AS3MT: variants seen among roughly 807,000 people sequenced by gnomAD.
The protein encoded by AS3MT is S-adenosyl-L-methionine:arsenic(III) methyltransferase.
AS3MT carries 47 observed loss-of-function variants against 45.3 expected under a neutral mutation model. That is an observed-to-expected ratio of 1.04 (90% confidence interval 0.82 to 1.32). The LOEUF (loss-of-function observed/expected upper bound fraction) is 1.32. Ranked by LOEUF, AS3MT falls within the 40% of genes most tolerant of loss-of-function variation. AS3MT has a pLI of 0.00. For synonymous variants in AS3MT, 141 were observed against 152.8 expected (o/e 0.92, Z 0.57); for missense variants, 396 against 451.1 (o/e 0.88, Z 1.11).
intron 3 of AS3MT, among the ~76,000 whole-genome samples, chr10:102,871,713 G>T (rs940171484): frequency 3.4e-5 from 5 of 148,242 alleles, no homozygotes; most frequent in Non-Finnish European, 7.4e-5. Context: ...GGGCGACAGA[G>T]CGAGACTCCG....
intron 9 of AS3MT, among the ~76,000 whole-genome samples, chr10:102,882,522 G>T (rs995993415): frequency 6.6e-6 from 1 of 151,928 alleles, no homozygotes; most frequent in Non-Finnish European, 1.5e-5. Context: ...TGGCCTCAAG[G>T]GATCCTTCCA....
Position 102,878,364 on chromosome 10 carries a change from T to C in AS3MT, c.611-15T>C, listed in dbSNP as rs1162041808. The C allele has an allele frequency of 2.5e-6, 4 of 1,610,742 alleles. No individual in the cohort carries two copies. Among genetic ancestry groups the C allele is most frequent in the Middle Eastern group, 1.7e-4 (1 of 6,016 alleles). On this transcript the variant is annotated splice_polypyrimidine_tract_variant and intron_variant, in intron 7 of 10. Transcript: ENST00000369880. ...TTGGCTGGTCTGTGGTTTTTTGTTG[T>C]TGTTTGTTTTTTAGGTGAGTGTCTG...
chr10:102,878,313 T>C, intron 7 of AS3MT, 66 bp from the exon 8 acceptor site: 1 of 1,565,154 alleles, frequency 6.4e-7, no homozygotes, highest in African/African-American at 1.4e-5. Flanking sequence ...TATAGAAGAA[T>C]AGTTCCCTTA....
chr10:102,877,509 A>T (rs1283308320), intron 7 of AS3MT, among the ~76,000 whole-genome samples: 2 of 149,460 alleles, frequency 1.3e-5, no homozygotes, highest in South Asian at 4.2e-4. Flanking sequence ...TATTAACTTT[A>T]TTCTTACTAT....
intron 9 of AS3MT, 76 bp downstream of exon 9, chr10:102,879,067 T>G (rs1844833783): frequency 6.2e-6 from 9 of 1,460,308 alleles, no homozygotes; most frequent in Non-Finnish European, 7.4e-6. Context: ...TTCTTGACTT[T>G]GCATTGCCTC....
At chr10:102,872,333 AGAAG>A (rs963306724) in intron 3 of AS3MT, 111 bp from the exon 4 acceptor site, 314 of 1,114,216 alleles carry the variant, frequency 2.8e-4, no homozygotes, top group Non-Finnish European at 3.5e-4. Flanking sequence ...GATGCAAGAA[AGAAG>A]GAAGGAAGGA....
intron 10 of AS3MT, among the ~76,000 whole-genome samples, chr10:102,897,247 G>C (rs1337226099): frequency 2.0e-5 from 3 of 151,588 alleles, no homozygotes; most frequent in Admixed American, 6.6e-5. Flanking sequence ...AGCCGGGCGT[G>C]GTGGCGGGTG....
chr10:102,870,869 C>T (rs1467402163), intron 3 of AS3MT, among the ~76,000 whole-genome samples: 1 of 152,238 alleles, frequency 6.6e-6, no homozygotes, highest in East Asian at 1.9e-4. Flanking sequence ...CTTCCCCAAA[C>T]TGCCACAGCA....
At chr10:102,874,881 T>C (rs1844757081) in intron 6 of AS3MT, among the ~76,000 whole-genome samples, 1 of 152,208 alleles carries the variant, frequency 6.6e-6, no homozygotes, top group African/African-American at 2.4e-5. Flanking sequence ...CAGTTGTCAC[T>C]GAATGTGTTA....
At chr10:102,876,469 G>A (rs1221640914) in intron 6 of AS3MT, among the ~76,000 whole-genome samples, 1 of 151,772 alleles carries the variant, frequency 6.6e-6, no homozygotes, top group Non-Finnish European at 1.5e-5. Flanking sequence ...TGGGAGAGAG[G>A]GTCTTGCTGT....
intron 7 of AS3MT, among the ~76,000 whole-genome samples, chr10:102,878,106 C>T (rs1174043971): frequency 2.0e-5 from 3 of 151,982 alleles, no homozygotes; most frequent in South Asian, 2.1e-4. Flanking sequence ...CAGAATGTGG[C>T]GTACTGCATA....
rs1343118174 is a variant in AS3MT at position 102,869,794 on chromosome 10, G to A, written c.2-11G>A. On this transcript the variant is annotated splice_polypyrimidine_tract_variant and intron_variant, in intron 1 of 10. Transcript: ENST00000369880. Reference sequence around the variant, plus strand: ...CCCTCTCCTTTCAACTAACTTTCCCGCTCCCGACAGTGGCTGCACTTCGTG... The same window carrying A: ...CCCTCTCCTTTCAACTAACTTTCCCACTCCCGACAGTGGCTGCACTTCGTG... The A allele has an allele frequency of 1.3e-5, 21 of 1,613,826 alleles. No homozygotes were observed. Among genetic ancestry groups the A allele is most frequent in the African/African-American group, 2.7e-5 (2 of 74,894 alleles).
rs1328370210 is a variant in AS3MT, at chr10:102,888,877, A to ATTTTTTTT, written c.886-1666_886-1665insTTTTTTTT. On this transcript the variant is annotated intron_variant, in intron 9 of 10. Coordinates refer to ENST00000369880, the MANE Select transcript of AS3MT (RefSeq NM_020682.4). ...TATATATATATATATATATATATAT[A>ATTTTTTTT]TATATTTTTTTTTTTTTTTTTGAGA... 4.4e-3 allele frequency among the ~76,000 whole-genome samples: 211 copies of ATTTTTTTT among 47,734 alleles called. 7 individuals carry two copies. Among genetic ancestry groups the ATTTTTTTT allele is most frequent in the Middle Eastern group, 0.013 (1 of 76 alleles). 31.3% of individuals were successfully genotyped at this position (47,734 alleles called of 152,430 possible).
In AS3MT at chr10:102,890,536, C is replaced by T; in HGVS notation, c.886-8C>T. The T allele has an allele frequency of 2.5e-6, 4 of 1,577,110 alleles. No individual in the cohort carries two copies. Among genetic ancestry groups the T allele is most frequent in the Non-Finnish European group, 3.4e-6 (4 of 1,167,454 alleles). The stretch of plus-strand genomic sequence containing the variant: ...ACTCTTAGTATTTTTTTTTATACTA[C>T]CCTTTAGGAAGGTGAAATTGTTGAA... On this transcript the variant is annotated splice_polypyrimidine_tract_variant and splice_region_variant and intron_variant, in intron 9 of 10. Coordinates refer to ENST00000369880, the MANE Select transcript of AS3MT (RefSeq NM_020682.4).
chr10:102,878,764 T>C (rs1844827330), intron 8 of AS3MT, 85 bp from the exon 9 acceptor site: 12 of 1,497,866 alleles, frequency 8.0e-6, no homozygotes, highest in Non-Finnish European at 8.1e-6. Context: ...AAATCATCTT[T>C]ATAACGTGTT....
At chr10:102,900,511 C>G (rs1845253119) in intron 10 of AS3MT, 82 bp from the exon 11 acceptor site, 2 of 1,000,996 alleles carry the variant, frequency 2.0e-6, no homozygotes, top group East Asian at 4.9e-5. Flanking sequence ...GTAAGTCAAC[C>G]TAAATCAAAC....
chr10:102,886,565 G>T (rs552454539), intron 9 of AS3MT, among the ~76,000 whole-genome samples: 2 of 151,848 alleles, frequency 1.3e-5, no homozygotes, highest in Non-Finnish European at 2.9e-5. Context: ...GACTCTGCCC[G>T]CCTCAGCCTC....
intron 10 of AS3MT, among the ~76,000 whole-genome samples, chr10:102,899,454 C>T (rs1196550386): frequency 6.6e-6 from 1 of 152,166 alleles, no homozygotes; most frequent in East Asian, 1.9e-4. Flanking sequence ...CAGACCTCTT[C>T]ATTTCAGAAA....
chr10:102,896,132 G>A (rs1268029181), intron 10 of AS3MT, among the ~76,000 whole-genome samples: 1 of 151,666 alleles, frequency 6.6e-6, no homozygotes. Flanking sequence ...AGGAGGTCAA[G>A]ACCAGCCTGG....
Sources: gnomAD v4.1 joint callset for allele counts (sites outside exome capture counted in the v4.1 genomes callset) on GRCh38, gnomAD v4.1.1 for gene constraint, MANE v1.5 for transcripts, NCBI Gene and HGNC (gene_info 2026-07-23, HGNC 2026-07-21) for gene names.